Variants in KLHDC4 observed in about 807,000 individuals in gnomAD.
KLHDC4 encodes the protein kelch domain-containing protein 4.
A neutral mutation model predicts 62.4 loss-of-function variants in KLHDC4; 90 were observed. The observed-to-expected ratio is 1.44, with a 90% confidence interval of 1.22 to 1.72. The LOEUF (loss-of-function observed/expected upper bound fraction) is 1.72. Ranked by LOEUF, KLHDC4 falls within the 40% of genes most tolerant of loss-of-function variation. KLHDC4 has a pLI of 0.00. For synonymous variants in KLHDC4, 386 were observed against 284.4 expected (o/e 1.36, Z -3.59); for missense variants, 1,025 against 699.7 (o/e 1.47, Z -5.25).
At chr16:87,705,492 T>C (rs1452961621), downstream of KLHDC4, among the ~76,000 whole-genome samples, 1 of 152,232 alleles carries the variant, frequency 6.6e-6, no homozygotes, top group Admixed American at 6.5e-5. Context: ...ACCAAATCTT[T>C]AGCAACAAAA....
chr16:87,725,598 C>G (rs1345050957), intron 7 of KLHDC4, among the ~76,000 whole-genome samples: 1 of 152,206 alleles, frequency 6.6e-6, no homozygotes, highest in Non-Finnish European at 1.5e-5. Flanking sequence ...CAGTGAGATA[C>G]TACTTCATAC....
At chr16:87,738,435 T>C (rs2041720474) in intron 5 of KLHDC4, among the ~76,000 whole-genome samples, 1 of 152,096 alleles carries the variant, frequency 6.6e-6, no homozygotes, top group Admixed American at 6.5e-5. Flanking sequence ...CTCCGGTGCA[T>C]ACAAAGATGT....
chr16:87,743,296 T>C (rs1203944931), intron 5 of KLHDC4, among the ~76,000 whole-genome samples: 1 of 152,138 alleles, frequency 6.6e-6, no homozygotes, highest in Non-Finnish European at 1.5e-5. Flanking sequence ...GGTCTTACTA[T>C]GTTGTCCCGG....
At chr16:87,724,071 C>T (rs1040474722) in intron 7 of KLHDC4, among the ~76,000 whole-genome samples, 4 of 152,164 alleles carry the variant, frequency 2.6e-5, no homozygotes, top group Non-Finnish European at 5.9e-5. Context: ...CTCCTGACCT[C>T]GAGTGATCCG....
intron 7 of KLHDC4, among the ~76,000 whole-genome samples, chr16:87,723,885 G>A (rs118009691): frequency 0.11 from 15,988 of 152,226 alleles, 1,134 homozygotes; most frequent in South Asian, 0.25. Context: ...TGCCCAGGCT[G>A]GAATGTAGCA....
intron 5 of KLHDC4, among the ~76,000 whole-genome samples, chr16:87,742,003 C>G (rs565192049): frequency 2.8e-4 from 42 of 152,346 alleles, no homozygotes; most frequent in South Asian, 1.7e-3. Context: ...ACGTGCTCTG[C>G]ACGAGGCCTG....
At chr16:87,746,403 G>A (rs145931506) in intron 5 of KLHDC4, among the ~76,000 whole-genome samples, 1 of 152,006 alleles carries the variant, frequency 6.6e-6, no homozygotes, top group Non-Finnish European at 1.5e-5. Context: ...GAGAGAGAAA[G>A]AGAGTGAGAG....
Position 87,707,885 on chromosome 16 carries a change from G to A in KLHDC4, c.*192C>T. On this transcript the variant is annotated 3_prime_UTR_variant, in exon 12 of 12. Coordinates refer to ENST00000270583, the MANE Select transcript of KLHDC4 (RefSeq NM_017566.4). ...GAATCCACCTGCACTGCACTCAGTTGAACTTCCGGCCCAGTGCCGCGTCAG... is the reference window on the plus strand; with the variant it reads ...GAATCCACCTGCACTGCACTCAGTTAAACTTCCGGCCCAGTGCCGCGTCAG... 2.2e-6 allele frequency: 1 copy of A among 451,018 alleles called. No individual in the cohort carries two copies. Among genetic ancestry groups the A allele is most frequent in the Admixed American group, 2.4e-5 (1 of 42,132 alleles). The allele number at this position is 451,018 out of a possible 1,614,324, so 27.9% of individuals were successfully genotyped here. A position where few individuals can be genotyped will look rare whatever the true frequency, so the allele number is the denominator to read the frequency against.
chr16:87,711,102 C>T (rs1234780686), intron 9 of KLHDC4, 133 bp downstream of exon 9: 2 of 788,206 alleles, frequency 2.5e-6, no homozygotes, highest in East Asian at 5.2e-5. Flanking sequence ...AGAGACGGAA[C>T]CCTCGCCCCT....
At chr16:87,750,283 C>G (rs1021334164) in intron 4 of KLHDC4, 2 of 152,302 alleles carry the variant, frequency 1.3e-5, no homozygotes, top group African/African-American at 2.4e-5. Context: ...AAAGCACGCT[C>G]CTAGGCAGTC....
rs1022364089 is a variant in KLHDC4 at position 87,748,752 on chromosome 16, A to G, written c.427T>C (p.Ser143Pro). 6 of 1,613,168 alleles carry G rather than the reference A, an allele frequency of 3.7e-6. No individual in the cohort carries two copies. The South Asian group carries it at 5.5e-5, about 15-fold the overall frequency. The change falls in exon 5 of 12, where the codon TCT becomes CCT. Residue 143 changes from serine (S) to proline (P), a missense_variant. Coordinates refer to ENST00000270583, the MANE Select transcript of KLHDC4 (RefSeq NM_017566.4). ...QLWVFGGEFA[S>P]PNGEQFYHYK... ...TGGTAGAACTGCTCTCCGTTGGGAGAGGCAAACTCCCCTCCAAAGACCCAC... is the reference window on the plus strand; with the variant it reads ...TGGTAGAACTGCTCTCCGTTGGGAGGGGCAAACTCCCCTCCAAAGACCCAC...
chr16:87,765,923 G>T lies in KLHDC4; in HGVS notation c.-33C>A, dbSNP rs1243680898. 3 of 1,546,748 alleles carry T rather than the reference G, an allele frequency of 1.9e-6. No individual in the cohort carries two copies. The highest frequency in any genetic ancestry group is 2.6e-6 in the Non-Finnish European group (3 of 1,144,074). ...GGTCCCAAGCCGCGACGGGACACCA[G>T]GAAAGAAAACGGCCCGCGCTCTCCG... On this transcript the variant is annotated 5_prime_UTR_variant, in exon 1 of 12. It adds an upstream start codon to the 5' untranslated region. Coordinates refer to ENST00000270583, the MANE Select transcript of KLHDC4 (RefSeq NM_017566.4).
chr16:87,719,748 A>G (rs1464224772), intron 7 of KLHDC4, among the ~76,000 whole-genome samples: 1 of 152,174 alleles, frequency 6.6e-6, no homozygotes, highest in Non-Finnish European at 1.5e-5. Flanking sequence ...GAGAAGTTAG[A>G]CTTCATTCTA....
intron 4 of KLHDC4, among the ~76,000 whole-genome samples, chr16:87,752,089 CAAAAAAAAA>C (rs1173625123): frequency 6.1e-4 from 18 of 29,470 alleles, no homozygotes; most frequent in Admixed American, 1.2e-3. Flanking sequence ...GACTTTGTCT[CAAAAAAAAA>C]AAAAAAAAAA....
At chr16:87,755,372 A>T in intron 3 of KLHDC4, 80 bp from the exon 4 acceptor site, 1 of 758,964 alleles carries the variant, frequency 1.3e-6, no homozygotes. Context: ...AATCATGACA[A>T]TTCCCTGGGA....
chr16:87,760,204 A>C (rs181852155), intron 2 of KLHDC4, among the ~76,000 whole-genome samples: 1 of 150,830 alleles, frequency 6.6e-6, no homozygotes. Flanking sequence ...TTCAGGCAAC[A>C]TTACTTATGG....
At chr16:87,721,291 G>A (rs563930704) in intron 7 of KLHDC4, among the ~76,000 whole-genome samples, 1 of 152,088 alleles carries the variant, frequency 6.6e-6, no homozygotes, top group Non-Finnish European at 1.5e-5. Flanking sequence ...GTGGTGGCAG[G>A]CGCCTGTAGT....
chr16:87,732,544 T>C (rs1355274012), intron 5 of KLHDC4, among the ~76,000 whole-genome samples: 1 of 152,160 alleles, frequency 6.6e-6, no homozygotes, highest in African/African-American at 2.4e-5. Context: ...ACCTTAAAAA[T>C]ACACACAAAT....
At chr16:87,749,718 G>C (rs1305238183) in intron 4 of KLHDC4, among the ~76,000 whole-genome samples, 2 of 152,262 alleles carry the variant, frequency 1.3e-5, no homozygotes, top group East Asian at 3.9e-4. Flanking sequence ...TGAGTAGCTT[G>C]GACGACAGGC....
Sources: gnomAD v4.1 joint callset for allele counts (sites outside exome capture counted in the v4.1 genomes callset) on GRCh38, gnomAD v4.1.1 for gene constraint, MANE v1.5 for transcripts, NCBI Gene and HGNC (gene_info 2026-07-23, HGNC 2026-07-21) for gene names.